Variants in DOCK9 observed in about 807,000 individuals in gnomAD.
The protein encoded by DOCK9 is dedicator of cytokinesis protein 9.
In DOCK9, 89 loss-of-function variants were observed where a neutral mutation model predicts 263.3. The observed-to-expected ratio is 0.34, with a 90% CI of 0.28 to 0.40. The LOEUF (loss-of-function observed/expected upper bound fraction) is 0.40. Among genes scored for constraint, DOCK9 ranks in the 10% least tolerant of loss-of-function variants. The probability of loss-of-function intolerance (pLI) is 1.00; values close to 1 mark genes in which losing one functional copy is unlikely to be tolerated. For missense variants in DOCK9, 2,140 were observed against 2,603.4 expected, an observed-to-expected ratio of 0.82 and a Z score of 3.87; for synonymous variants, 976 against 973.1, an observed-to-expected ratio of 1.00 and a Z score of -0.06.
intron 2 of DOCK9, among the ~76,000 whole-genome samples, chr13:98,942,888 G>C (rs1433076460): frequency 6.6e-6 from 1 of 152,184 alleles, no homozygotes; most frequent in Non-Finnish European, 1.5e-5. Context: ...TCTACACACG[G>C]AAAAGGTATG....
At chr13:98,934,070 G>A (rs2054411661) in intron 2 of DOCK9, among the ~76,000 whole-genome samples, 1 of 151,498 alleles carries the variant, frequency 6.6e-6, no homozygotes, top group Non-Finnish European at 1.5e-5. Context: ...GCTAATTTTT[G>A]AATTTTTGGA....
At position 98,813,448 on chromosome 13, in the gene DOCK9, ACT is replaced by A. The variant is rs769886740; in HGVS notation, c.5131-3159_5131-3158del. 2.0e-4 allele frequency among the ~76,000 whole-genome samples: 30 copies of A among 151,826 alleles called. 1 individual carries two copies. The highest frequency in any genetic ancestry group is 3.4e-4 in the Non-Finnish European group (23 of 67,972). ...GAATAGATGTTGAATTTTGTCAAATACTCTGTATGCATCTACTGAGAAAATCA... is the reference window on the plus strand; with the variant it reads ...GAATAGATGTTGAATTTTGTCAAATACTGTATGCATCTACTGAGAAAATCA... On this transcript the variant is annotated intron_variant, in intron 45 of 52. Coordinates refer to ENST00000682017, the MANE Select transcript of DOCK9 (RefSeq NM_001366683.2).
intron 2 of DOCK9, among the ~76,000 whole-genome samples, chr13:98,941,510 A>G (rs1208131617): frequency 6.6e-6 from 1 of 152,240 alleles, no homozygotes; most frequent in Non-Finnish European, 1.5e-5. Context: ...GCAGTAAACT[A>G]AATAACATAA....
At chr13:98,999,643 T>C (rs1373812402) in intron 1 of DOCK9, among the ~76,000 whole-genome samples, 6 of 152,144 alleles carry the variant, frequency 3.9e-5, no homozygotes, top group African/African-American at 1.2e-4. Context: ...ATTATAAAAA[T>C]GGAAAAGGGT....
chr13:98,975,346 A>C (rs1409234400), intron 1 of DOCK9, among the ~76,000 whole-genome samples: 1 of 151,510 alleles, frequency 6.6e-6, no homozygotes, highest in African/African-American at 2.4e-5. Context: ...TGGATGACAG[A>C]GTAAGACTTT....
chr13:99,064,570 C>T (rs1202927678), intron 1 of DOCK9, among the ~76,000 whole-genome samples: 3 of 152,138 alleles, frequency 2.0e-5, no homozygotes, highest in African/African-American at 4.8e-5. Context: ...AAAAAGTAAA[C>T]GTGCAAAAAG....
intron 50 of DOCK9, among the ~76,000 whole-genome samples, chr13:98,799,448 A>C (rs1474022962): frequency 6.6e-6 from 1 of 152,216 alleles, no homozygotes; most frequent in Non-Finnish European, 1.5e-5. Context: ...GGAGTGATTT[A>C]ACACTTACCA....
Position 98,879,910 on chromosome 13 carries a change from G to A in DOCK9, c.2931C>T (p.Asn977=). 1 of 1,606,882 alleles carries A rather than the reference G, an allele frequency of 6.2e-7. No individual in the cohort carries two copies. The highest frequency in any genetic ancestry group is 8.5e-7 in the Non-Finnish European group (1 of 1,178,138). ...IKSMAQHLIE[N]SKVKLLRNQR... ...TGAAGTAACATACCTTAACTTTGGA[G>A]TTCTCTATCAAATGCTGAGCCATAG... The change falls in exon 27 of 53, where the codon AAC becomes AAT. Residue 977 remains asparagine, a synonymous_variant. Transcript: ENST00000682017.
At chr13:99,062,526 C>T (rs1319543794) in intron 1 of DOCK9, among the ~76,000 whole-genome samples, 1 of 152,176 alleles carries the variant, frequency 6.6e-6, no homozygotes, top group Non-Finnish European at 1.5e-5. Context: ...TTGGATGTGG[C>T]CTGCAAAGTA....
intron 36 of DOCK9, 92 bp downstream of exon 36, chr13:98,849,955 T>C: frequency 1.1e-6 from 1 of 897,656 alleles, no homozygotes; most frequent in Non-Finnish European, 1.8e-6. Flanking sequence ...TGACATACAC[T>C]ACTCCTCTGG....
intron 4 of DOCK9, among the ~76,000 whole-genome samples, chr13:98,925,059 G>A (rs1283961214): frequency 1.3e-5 from 2 of 152,116 alleles, no homozygotes; most frequent in Admixed American, 1.3e-4. Context: ...AGCAACTCGG[G>A]AGGCTGAGGC....
chr13:98,893,159 T>C (rs989541359), intron 15 of DOCK9, among the ~76,000 whole-genome samples: 1 of 152,202 alleles, frequency 6.6e-6, no homozygotes, highest in African/African-American at 2.4e-5. Flanking sequence ...CAAGCAGCCC[T>C]ACTTGGCTTG....
At position 98,825,858 on chromosome 13, in the gene DOCK9, A is replaced by G; in HGVS notation, c.5023+972T>C. 1 of 1,510,306 alleles carries G rather than the reference A, an allele frequency of 6.6e-7. No individual in the cohort carries two copies. Among genetic ancestry groups the G allele is most frequent in the Non-Finnish European group, 8.9e-7 (1 of 1,125,580 alleles). The allele number at this position is 1,510,306 out of a possible 1,614,324, so 93.6% of individuals were successfully genotyped here. Reference sequence around the variant, plus strand: ...CAGGGGGTCCCCGGGGGCTGGGCTGATCCTCAGGCTCACCTCCCCGGCTCC... The same window carrying G: ...CAGGGGGTCCCCGGGGGCTGGGCTGGTCCTCAGGCTCACCTCCCCGGCTCC... On this transcript the variant is annotated intron_variant, in intron 44 of 52. Coordinates refer to ENST00000682017, the MANE Select transcript of DOCK9 (RefSeq NM_001366683.2). The surrounding 1 kb of genome is among the most constrained non-coding windows in gnomAD (Gnocchi z 4.1).
chr13:98,798,082 C>G (rs1453676017), intron 50 of DOCK9, among the ~76,000 whole-genome samples: 1 of 152,136 alleles, frequency 6.6e-6, no homozygotes, highest in Non-Finnish European at 1.5e-5. Flanking sequence ...GAACCAGAAC[C>G]CTGCACCACC....
chr13:99,085,760 C>T (rs1048860234), intron 1 of DOCK9, among the ~76,000 whole-genome samples: 1 of 151,740 alleles, frequency 6.6e-6, no homozygotes, highest in Admixed American at 6.6e-5. Flanking sequence ...GGGCATCTCC[C>T]ACCCTGAGCG....
chr13:99,004,677 T>C (rs1882983409), intron 1 of DOCK9, among the ~76,000 whole-genome samples: 2 of 152,126 alleles, frequency 1.3e-5, no homozygotes, highest in African/African-American at 2.4e-5. Flanking sequence ...CAAATGCTGA[T>C]TGAAACGTAT....
At chr13:98,926,115 C>T (rs1489090461) in intron 3 of DOCK9, among the ~76,000 whole-genome samples, 196 bp from the exon 4 acceptor site, 4 of 152,186 alleles carry the variant, frequency 2.6e-5, no homozygotes, top group African/African-American at 9.7e-5. Flanking sequence ...AAACATTACC[C>T]TTGGGGGTAG....
intron 1 of DOCK9, among the ~76,000 whole-genome samples, chr13:98,969,984 T>C (rs527474731): frequency 2.0e-5 from 3 of 152,300 alleles, no homozygotes; most frequent in Admixed American, 2.0e-4. Context: ...ACTATATCTG[T>C]TGGCTGTGTT....
chr13:98,903,912 T>C (rs1339432182), intron 10 of DOCK9, among the ~76,000 whole-genome samples: 1 of 152,194 alleles, frequency 6.6e-6, no homozygotes, highest in African/African-American at 2.4e-5. Context: ...TCCACATTTA[T>C]GAGGTTCCTA....
Sources: allele counts gnomAD v4.1 joint callset (sites outside exome capture counted in the v4.1 genomes callset), GRCh38; gene constraint gnomAD v4.1.1; non-coding constraint Gnocchi (gnomAD v3.1); transcripts MANE v1.5; gene names NCBI Gene and HGNC (gene_info 2026-07-23, HGNC 2026-07-21).